MYLK: variants seen among roughly 807,000 people sequenced by gnomAD.
The protein encoded by MYLK is myosin light chain kinase, smooth muscle.
A neutral mutation model predicts 203.4 loss-of-function variants in MYLK; 106 were observed. The ratio of observed to expected loss-of-function variants is 0.52; its 90% CI spans 0.45 to 0.61. The LOEUF (loss-of-function observed/expected upper bound fraction) is 0.61. MYLK is among the 20% of genes least tolerant of loss of function. MYLK has a pLI of 0.00. For missense variants in MYLK, 2,072 were observed against 2,442.3 expected, an observed-to-expected ratio of 0.85 and a Z score of 3.20; for synonymous variants, 867 against 959.5, an observed-to-expected ratio of 0.90 and a Z score of 1.78.
rs371623642 is a variant in MYLK at position 123,852,438 on chromosome 3, T to A, written c.-126-20768A>T. The stretch of plus-strand genomic sequence containing the variant: ...TATTGGTCTATTCAGGGATTCAACT[T>A]CTGCCTGGTTTAGTCTTGGAAGGGT... On this transcript the variant is annotated intron_variant, in intron 2 of 33. Coordinates refer to ENST00000360304, the MANE Select transcript of MYLK (RefSeq NM_053025.4). Among the ~76,000 whole-genome samples, 92 of 152,334 alleles carry A rather than the reference T, an allele frequency of 6.0e-4. 1 individual carries two copies. The highest frequency in any genetic ancestry group is 3.4e-3 in the Middle Eastern group (1 of 294).
chr3:123,879,646 G>C (rs1306942420), intron 1 of MYLK, among the ~76,000 whole-genome samples: 3 of 152,096 alleles, frequency 2.0e-5, no homozygotes, highest in Non-Finnish European at 4.4e-5. Context: ...TTGTTTGTTT[G>C]TTTCTTGAGA....
At position 123,664,203 on chromosome 3, in the gene MYLK, G is replaced by A. The variant is rs1330691130; in HGVS notation, c.3887C>T (p.Thr1296Ile). ...VENSENGSKL[T>I]ILAARQEHCG... ...GTGCTCCTGGCGCGCGGCCAGGATG[G>A]TGAGCTTGCTGCCATTCTCGCTGTT... is the stretch of plus-strand genomic sequence containing the variant. The change falls in exon 23 of 34, where the codon ACC (threonine) becomes ATC (isoleucine). Residue 1296 changes from threonine to isoleucine, a missense_variant. By Grantham distance (89) the Thr-to-Ile change is moderately conservative. Coordinates refer to ENST00000360304, the MANE Select transcript of MYLK (RefSeq NM_053025.4). 3 of 1,614,202 alleles carry A rather than the reference G, an allele frequency of 1.9e-6. No individual in the cohort carries two copies. The highest frequency in any genetic ancestry group is 2.5e-6 in the Non-Finnish European group (3 of 1,180,032).
At chr3:123,766,132 T>C (rs2063693866) in intron 4 of MYLK, among the ~76,000 whole-genome samples, 1 of 152,242 alleles carries the variant, frequency 6.6e-6, no homozygotes, top group Admixed American at 6.5e-5. Flanking sequence ...AAAATCTATT[T>C]CAGAACTCTC....
At chr3:123,826,098 A>C (rs73201815) in intron 3 of MYLK, among the ~76,000 whole-genome samples, 17,570 of 152,088 alleles carry the variant, frequency 0.12, 1,053 homozygotes, top group Middle Eastern at 0.22. Context: ...CCCACAGGAC[A>C]TTCCTGGCAG....
intron 2 of MYLK, among the ~76,000 whole-genome samples, chr3:123,874,913 C>CA (rs1312885617): frequency 3.9e-5 from 6 of 152,172 alleles, no homozygotes; most frequent in South Asian, 4.1e-4. Context: ...TAAGGAAATT[C>CA]AAATTAAAAA....
chr3:123,762,510 G>A (rs2063568260), intron 4 of MYLK, among the ~76,000 whole-genome samples: 1 of 152,112 alleles, frequency 6.6e-6, no homozygotes, highest in African/African-American at 2.4e-5. Context: ...GGGATTACAG[G>A]TGTGAGCCAC....
rs1349776525 is a variant in MYLK at position 123,610,428 on chromosome 3, G to A, written c.*3677C>T. The A allele has an allele frequency of 6.6e-6, 1 of 152,124 alleles. No individual in the cohort carries two copies. Among genetic ancestry groups the A allele is most frequent in the Non-Finnish European group, 1.5e-5 (1 of 68,032 alleles). 9.4% of individuals were successfully genotyped at this position (152,124 alleles called of 1,614,324 possible). On this transcript the variant is annotated 3_prime_UTR_variant, in exon 34 of 34. Transcript: ENST00000360304. ...TTATGTCCCCATTTTGGGTTGGCTA[G>A]AGACCCAGATGGCTGCAGCAGCCAC...
rs41271441 is a variant in MYLK at position 123,737,436 on chromosome 3, C to T, written c.696G>A (p.Thr232=). 16 of 1,614,088 alleles carry T rather than the reference C, an allele frequency of 9.9e-6. No individual in the cohort carries two copies. In the South Asian group the frequency reaches 1.2e-4, roughly 12 times the overall value. The change falls in exon 8 of 34, where the codon ACG becomes ACA. Residue 232 remains threonine, a synonymous_variant. Transcript: ENST00000360304. ...GVNQDDVGVY[T]CLVVNGSGKA... ...TCCCCGACCCGTTCACCACCAGGCA[C>T]GTGTACACTCCCACGTCATCTTGGT...
chr3:123,639,223 A>G (rs770810478), intron 28 of MYLK, among the ~76,000 whole-genome samples: 1 of 152,188 alleles, frequency 6.6e-6, no homozygotes, highest in African/African-American at 2.4e-5. Context: ...TCCTCTTAGC[A>G]GGAGTGAGCA....
In MYLK at chr3:123,826,712, C is replaced by A. The variant is rs1329920386; in HGVS notation, c.-4+4836G>T. ...CATCATTTACATTTATATCCTCCAA[C>A]CTTAGAAAGAGCCCAGCAAGCCCAG... On this transcript the variant is annotated intron_variant, in intron 3 of 33. Transcript: ENST00000360304. Among the ~76,000 whole-genome samples, 4 of 152,210 alleles carry A rather than the reference C, an allele frequency of 2.6e-5. No individual in the cohort carries two copies. The South Asian group carries it at 6.2e-4, about 24-fold the overall frequency.
chr3:123,656,836 G>C (rs963833277), intron 24 of MYLK, among the ~76,000 whole-genome samples: 1 of 152,164 alleles, frequency 6.6e-6, no homozygotes, highest in Non-Finnish European at 1.5e-5. Flanking sequence ...GGTGGAAGAG[G>C]AACATGAGGC....
At chr3:123,860,077 A>G (rs1018568347) in intron 2 of MYLK, among the ~76,000 whole-genome samples, 2 of 152,218 alleles carry the variant, frequency 1.3e-5, no homozygotes, top group East Asian at 3.8e-4. Flanking sequence ...CATCACTAGC[A>G]TAAGTATATA....
At chr3:123,826,058 A>AC (rs538818380) in intron 3 of MYLK, among the ~76,000 whole-genome samples, 61 of 149,896 alleles carry the variant, frequency 4.1e-4, no homozygotes, top group Admixed American at 9.9e-4. Flanking sequence ...GCCCTGTACC[A>AC]CCCCCACCCC....
intron 5 of MYLK, among the ~76,000 whole-genome samples, chr3:123,746,897 A>G (rs1393130956): frequency 6.6e-6 from 1 of 152,224 alleles, no homozygotes; most frequent in East Asian, 1.9e-4. Flanking sequence ...AATGGGAAAT[A>G]TAATTATAGG....
intron 7 of MYLK, among the ~76,000 whole-genome samples, chr3:123,738,480 A>G (rs1358824590): frequency 1.3e-5 from 2 of 152,042 alleles, no homozygotes; most frequent in Admixed American, 1.3e-4. Flanking sequence ...CTAACCCTGA[A>G]TTTTCAGGGT....
intron 4 of MYLK, among the ~76,000 whole-genome samples, chr3:123,767,097 ACTTTC>A (rs957339978): frequency 6.6e-6 from 1 of 151,994 alleles, no homozygotes; most frequent in Non-Finnish European, 1.5e-5. Context: ...CAAAACTCAA[ACTTTC>A]CTTTCCTCCT....
At chr3:123,632,495 T>C (rs2058475201) in intron 29 of MYLK, among the ~76,000 whole-genome samples, 1 of 152,190 alleles carries the variant, frequency 6.6e-6, no homozygotes, top group Non-Finnish European at 1.5e-5. Flanking sequence ...TCTGCAACTC[T>C]GGGCACAGTC....
intron 24 of MYLK, among the ~76,000 whole-genome samples, chr3:123,651,466 T>C (rs2059208804): frequency 6.6e-6 from 1 of 152,192 alleles, no homozygotes. Context: ...TCCTATTTAC[T>C]GTCAGGGAGG....
rs886039046 is a variant in MYLK, at chr3:123,666,295, C to T, written c.3755G>A (p.Gly1252Glu). The change falls in exon 22 of 34, where the codon GGA (glycine) becomes GAA (glutamate). Residue 1252 changes from glycine (G) to glutamate (E), a missense_variant. Physicochemically the swap from Gly to Glu is moderately conservative, Grantham distance 98 (BLOSUM62 -2). Around this residue, in one of 3 missense-constraint regions of MYLK, gnomAD observed 865 missense variants for 1,016.0 expected, o/e 0.85. Transcript: ENST00000360304. The stretch of plus-strand genomic sequence containing the variant: ...TTTGCCAAACAGCTCCACTGACTCT[C>T]CTGCGCGTACCTTCTGGTCCTCAGG... ...QFPEDQKVRA[G>E]ESVELFGKVT... is the part of the protein sequence containing the mutation. 1 of 1,614,086 alleles carries T rather than the reference C, an allele frequency of 6.2e-7. No individual in the cohort carries two copies. The highest frequency in any genetic ancestry group is 8.5e-7 in the Non-Finnish European group (1 of 1,180,044).
Sources: allele counts gnomAD v4.1 joint callset (sites outside exome capture counted in the v4.1 genomes callset), GRCh38; gene constraint gnomAD v4.1.1; regional missense constraint gnomAD v4.1.1; transcripts MANE v1.5; gene names NCBI Gene and HGNC (gene_info 2026-07-23, HGNC 2026-07-21).